LHFPL6: variants seen among roughly 807,000 people sequenced by gnomAD.
The protein encoded by LHFPL6 is LHFPL tetraspan subfamily member 6 protein.
Under a neutral mutation model 20.6 loss-of-function variants are expected in LHFPL6, and 9 were observed. That is an observed-to-expected ratio of 0.44 (90% confidence interval 0.26 to 0.76). The LOEUF (loss-of-function observed/expected upper bound fraction) is 0.76. Ranked by LOEUF, LHFPL6 falls within the 30% of genes least tolerant of loss-of-function variation. LHFPL6 has a pLI of 0.20. For synonymous variants in LHFPL6, 105 were observed against 98.7 expected, an observed-to-expected ratio of 1.06 and a Z score of -0.38; for missense variants, 218 against 253.5, an observed-to-expected ratio of 0.86 and a Z score of 0.95.
chr13:39,579,000 G>A (rs1282191029), intron 2 of LHFPL6, among the ~76,000 whole-genome samples: 3 of 152,200 alleles, frequency 2.0e-5, no homozygotes, highest in South Asian at 4.1e-4. Flanking sequence ...GTAACCTCTC[G>A]TGTAACTAGT....
At chr13:39,380,651 C>T (rs1271039551) in intron 2 of LHFPL6, among the ~76,000 whole-genome samples, 1 of 152,016 alleles carries the variant, frequency 6.6e-6, no homozygotes, top group Non-Finnish European at 1.5e-5. Flanking sequence ...TGCCACTGCA[C>T]CCAGCTAATT....
At chr13:39,553,122 C>A (rs2138513499) in intron 2 of LHFPL6, among the ~76,000 whole-genome samples, 1 of 152,196 alleles carries the variant, frequency 6.6e-6, no homozygotes, top group South Asian at 2.1e-4. Context: ...TGAAATATGT[C>A]AATACATTTA....
intron 2 of LHFPL6, among the ~76,000 whole-genome samples, chr13:39,486,403 C>T (rs1210614357): frequency 6.6e-6 from 1 of 152,074 alleles, no homozygotes; most frequent in Non-Finnish European, 1.5e-5. Flanking sequence ...TCAGCTAACA[C>T]GGTATTTAAA....
At chr13:39,571,093 C>A (rs1871898671) in intron 2 of LHFPL6, among the ~76,000 whole-genome samples, 1 of 152,148 alleles carries the variant, frequency 6.6e-6, no homozygotes, top group Non-Finnish European at 1.5e-5. Context: ...AAAGATGCCT[C>A]AAACCACAAA....
intron 2 of LHFPL6, among the ~76,000 whole-genome samples, chr13:39,449,120 G>A (rs920200692): frequency 6.6e-6 from 1 of 152,208 alleles, no homozygotes; most frequent in Non-Finnish European, 1.5e-5. Context: ...CTGCATCTCG[G>A]CTGCATGGGC....
At chr13:39,376,031 T>C (rs1202421232) in intron 3 of LHFPL6, among the ~76,000 whole-genome samples, 1 of 152,226 alleles carries the variant, frequency 6.6e-6, no homozygotes, top group Non-Finnish European at 1.5e-5. Flanking sequence ...AAGAGGCAAG[T>C]ATTTTTCAAC....
Position 39,343,889 on chromosome 13 carries a change from G to T in LHFPL6, c.*47C>A. On this transcript the variant is annotated 3_prime_UTR_variant, in exon 4 of 4. Coordinates refer to ENST00000379589, the MANE Select transcript of LHFPL6 (RefSeq NM_005780.3). The stretch of plus-strand genomic sequence containing the variant: ...TAGGTGGATGTTTTGACCTCTCCAA[G>T]CCCCTTTGGCCCATCTTCTCCTCTG... The T allele has an allele frequency of 6.8e-7, 1 of 1,465,068 alleles. No homozygotes were observed. Among genetic ancestry groups the T allele is most frequent in the Non-Finnish European group, 9.5e-7 (1 of 1,048,316 alleles). 90.8% of individuals were successfully genotyped at this position (1,465,068 alleles called of 1,614,324 possible).
intron 3 of LHFPL6, among the ~76,000 whole-genome samples, chr13:39,366,658 C>T (rs1383218404): frequency 6.6e-6 from 1 of 152,160 alleles, no homozygotes; most frequent in Admixed American, 6.5e-5. Context: ...ATAGGAGACT[C>T]CTGGATCAGA....
At chr13:39,436,844 GC>G (rs1287936892) in intron 2 of LHFPL6, among the ~76,000 whole-genome samples, 3 of 152,068 alleles carry the variant, frequency 2.0e-5, no homozygotes, top group African/African-American at 7.2e-5. Context: ...TACAGCTATG[GC>G]CCCAACAATG....
At chr13:39,523,385 C>A (rs1314481932) in intron 2 of LHFPL6, among the ~76,000 whole-genome samples, 2 of 151,930 alleles carry the variant, frequency 1.3e-5, no homozygotes, top group African/African-American at 4.8e-5. Flanking sequence ...CTGGCTAACA[C>A]GGTGAAACCC....
intron 2 of LHFPL6, among the ~76,000 whole-genome samples, chr13:39,530,705 T>A (rs1034248655): frequency 2.6e-5 from 4 of 152,006 alleles, no homozygotes; most frequent in African/African-American, 9.7e-5. Context: ...TCTTTTACAT[T>A]ATCACTTTTT....
At chr13:39,395,106 A>T (rs1339872328) in intron 2 of LHFPL6, among the ~76,000 whole-genome samples, 1 of 152,166 alleles carries the variant, frequency 6.6e-6, no homozygotes, top group African/African-American at 2.4e-5. Flanking sequence ...CTCCAGGGAA[A>T]CTATCATCAG....
chr13:39,355,801 T>G (rs79895366), intron 3 of LHFPL6, among the ~76,000 whole-genome samples: 1,593 of 152,316 alleles, frequency 0.01, 30 homozygotes, highest in African/African-American at 0.037. Flanking sequence ...GGGCATTACA[T>G]AACGATAAAG....
Position 39,452,282 on chromosome 13 carries a change from C to T in LHFPL6, c.386-73756G>A, listed in dbSNP as rs564619689. 3.3e-5 allele frequency among the ~76,000 whole-genome samples: 5 copies of T among 152,282 alleles called. No homozygotes were observed. In the South Asian group the frequency reaches 1.0e-3, roughly 32 times the overall value. On this transcript the variant is annotated intron_variant, in intron 2 of 3. Coordinates refer to ENST00000379589, the MANE Select transcript of LHFPL6 (RefSeq NM_005780.3). ...ACAGCACATTGCACTGAAAAACAAT[C>T]TTCAGCCGGTCCAGATTATGGAGTA...
chr13:39,375,511 C>T lies in LHFPL6; in HGVS notation c.484+2917G>A, dbSNP rs149849921. Among the ~76,000 whole-genome samples, 435 of 152,068 alleles carry T rather than the reference C, an allele frequency of 2.9e-3. 1 individual carries two copies. Among genetic ancestry groups the T allele is most frequent in the Non-Finnish European group, 3.9e-3 (266 of 67,970 alleles). The stretch of plus-strand genomic sequence containing the variant: ...TTCGAGACTAGCCTGGCCAACACGG[C>T]GAAACCCCATCTCTACCAAAAATAT... On this transcript the variant is annotated intron_variant, in intron 3 of 3. Coordinates refer to ENST00000379589, the MANE Select transcript of LHFPL6 (RefSeq NM_005780.3).
In LHFPL6 at chr13:39,475,023, G is replaced by A. The variant is rs563686630; in HGVS notation, c.386-96497C>T. 7.9e-5 allele frequency among the ~76,000 whole-genome samples: 12 copies of A among 152,294 alleles called. No individual in the cohort carries two copies. The South Asian group carries it at 1.9e-3, about 24-fold the overall frequency. On this transcript the variant is annotated intron_variant, in intron 2 of 3. Transcript: ENST00000379589. ...GCTTTCCCAGAGAATTATAAGCAGC[G>A]TATCTCAGATGTGACCCAGAGCCTG...
At chr13:39,529,070 C>A (rs1870378608) in intron 2 of LHFPL6, among the ~76,000 whole-genome samples, 1 of 152,032 alleles carries the variant, frequency 6.6e-6, no homozygotes, top group African/African-American at 2.4e-5. Context: ...GTACAAAATT[C>A]ATGCCAATTC....
intron 2 of LHFPL6, among the ~76,000 whole-genome samples, chr13:39,547,489 A>T (rs185052302): frequency 1.3e-5 from 2 of 152,248 alleles, no homozygotes. Context: ...TTTTCTGTGT[A>T]GTGAGTCTTT....
At chr13:39,421,267 C>T (rs566691780) in intron 2 of LHFPL6, among the ~76,000 whole-genome samples, 31 of 152,120 alleles carry the variant, frequency 2.0e-4, no homozygotes, top group Non-Finnish European at 3.8e-4. Flanking sequence ...GTTTAAAATT[C>T]TTCAATGATA....
Sources: allele counts gnomAD v4.1 joint callset (sites outside exome capture counted in the v4.1 genomes callset), GRCh38; gene constraint gnomAD v4.1.1; transcripts MANE v1.5; gene names NCBI Gene and HGNC (gene_info 2026-07-23, HGNC 2026-07-21).